The following KNG1 variants were observed in gnomAD, a reference collection of about 807,000 sequenced individuals.
KNG1 encodes the protein kininogen-1.
A neutral mutation model predicts 47.8 loss-of-function variants in KNG1; 23 were observed. The observed-to-expected ratio is 0.48, with a 90% CI of 0.35 to 0.68. The LOEUF (loss-of-function observed/expected upper bound fraction) is 0.68, where lower values mean the gene tolerates loss of function less well. KNG1 is among the 30% of genes least tolerant of loss of function. The probability of loss-of-function intolerance (pLI) is 0.01; values close to 1 mark genes in which losing one functional copy is unlikely to be tolerated. For missense variants in KNG1, 762 were observed against 790.2 expected (o/e 0.96, Z 0.43); for synonymous variants, 277 against 277.0 (o/e 1.00, Z 0.00).
rs1387687541 is a variant in KNG1 at position 186,743,632 on chromosome 3, C to A, written c.*1301C>A. On this transcript the variant is annotated 3_prime_UTR_variant, in exon 10 of 10. Transcript: ENST00000644859. ...ATGTCAGGAAAAAGTCTTACCTTGT[C>A]AACTGGTTGCTCCACTTTTTAAAAA... The A allele has an allele frequency of 9.1e-7, 1 of 1,099,076 alleles. No individual in the cohort carries two copies. Among genetic ancestry groups the A allele is most frequent in the South Asian group, 1.3e-5 (1 of 77,884 alleles). 68.1% of individuals were successfully genotyped at this position (1,099,076 alleles called of 1,614,324 possible). A position where few individuals can be genotyped will look rare whatever the true frequency, so the allele number is the denominator to read the frequency against.
At chr3:186,731,186 T>C (rs753744553) in intron 5 of KNG1, among the ~76,000 whole-genome samples, 1 of 152,240 alleles carries the variant, frequency 6.6e-6, no homozygotes, top group Non-Finnish European at 1.5e-5. Context: ...TTAAGCTTTA[T>C]ACATTGTTTT....
chr3:186,724,733 T>G (rs1216118389), intron 3 of KNG1, among the ~76,000 whole-genome samples: 5 of 152,056 alleles, frequency 3.3e-5, no homozygotes, highest in Non-Finnish European at 5.9e-5. Flanking sequence ...TCTTGCTCTG[T>G]CGCCCAGGCT....
chr3:186,720,068 G>T, intron 1 of KNG1, 37 bp from the exon 2 acceptor site: 1 of 1,396,494 alleles, frequency 7.2e-7, no homozygotes, highest in South Asian at 1.2e-5. Context: ...TGTTGGGTCA[G>T]TTGGATGAAC....
chr3:186,739,428 TACAGTCA>T lies in KNG1; in HGVS notation c.1125+15_1125+21del, dbSNP rs757826069. 1 of 1,551,160 alleles carries T rather than the reference TACAGTCA, an allele frequency of 6.4e-7. No homozygotes were observed. Among genetic ancestry groups the T allele is most frequent in the South Asian group, 1.1e-5 (1 of 89,846 alleles). Reference sequence around the variant, plus strand: ...CCACTGGGAATGGTATGATTCTAATTACAGTCAGCGTGGGGTCAGTTCTGCTCATTCT... The same window carrying T: ...CCACTGGGAATGGTATGATTCTAATTGCGTGGGGTCAGTTCTGCTCATTCT... On this transcript the variant is annotated intron_variant, in intron 9 of 9. Transcript: ENST00000644859.
At chr3:186,731,120 C>T (rs1027046437) in intron 5 of KNG1, among the ~76,000 whole-genome samples, 1 of 152,076 alleles carries the variant, frequency 6.6e-6, no homozygotes, top group African/African-American at 2.4e-5. Flanking sequence ...ATTACTAATA[C>T]TGTAGTTCCT....
chr3:186,717,817 C>T (rs1281577718), intron 1 of KNG1, 80 bp downstream of exon 1: 5 of 970,010 alleles, frequency 5.2e-6, no homozygotes, highest in Non-Finnish European at 6.5e-6. Context: ...CACACACACA[C>T]ATACCACCAC....
intron 2 of KNG1, chr3:186,721,345 CTGTGTGGACAAAGGGAGG>C (rs1720191756): frequency 6.6e-6 from 1 of 152,276 alleles, no homozygotes; most frequent in South Asian, 2.1e-4. Context: ...CTTCTAGGGG[CTGTGTGGACAAAGGGAGG>C]TGTGCTTTAT....
intron 5 of KNG1, 93 bp downstream of exon 5, chr3:186,727,437 G>A (rs745406965): frequency 6.1e-6 from 5 of 823,662 alleles, no homozygotes; most frequent in Non-Finnish European, 8.4e-6. Flanking sequence ...GTCACGAAAA[G>A]TTTAGATGAC....
At chr3:186,723,308 T>G (rs1490843820) in intron 3 of KNG1, among the ~76,000 whole-genome samples, 2 of 152,196 alleles carry the variant, frequency 1.3e-5, no homozygotes, top group African/African-American at 4.8e-5. Context: ...AAATATACAA[T>G]ATATTGTTGC....
chr3:186,717,484 G>C lies in KNG1; in HGVS notation c.-59G>C. On this transcript the variant is annotated 5_prime_UTR_variant, in exon 1 of 10. Coordinates refer to ENST00000644859, the MANE Select transcript of KNG1 (RefSeq NM_001102416.3). ...GGAGATTGTCAAATTCAGTATCCCAGTTGGCTCTTGATTCTTGGTGAAACC... is the reference window on the plus strand; with the variant it reads ...GGAGATTGTCAAATTCAGTATCCCACTTGGCTCTTGATTCTTGGTGAAACC... 8.0e-7 allele frequency: 1 copy of C among 1,254,666 alleles called. No homozygotes were observed. The highest frequency in any genetic ancestry group is 1.2e-6 in the Non-Finnish European group (1 of 854,860). 77.7% of individuals were successfully genotyped at this position (1,254,666 alleles called of 1,614,324 possible).
chr3:186,731,289 T>C lies in KNG1; in HGVS notation c.673-256T>C, dbSNP rs1356983295. 3.9e-5 allele frequency among the ~76,000 whole-genome samples: 6 copies of C among 152,220 alleles called. 1 individual carries two copies. The East Asian group carries it at 5.8e-4, about 15-fold the overall frequency. On this transcript the variant is annotated intron_variant, in intron 5 of 9. Transcript: ENST00000644859. ...TTATTTTTTTAGAAATTTACCTTTTTACTTACATGGCTGTTATTTCTGTAC... is the reference window on the plus strand; with the variant it reads ...TTATTTTTTTAGAAATTTACCTTTTCACTTACATGGCTGTTATTTCTGTAC...
chr3:186,729,080 C>A (rs1442246221), intron 5 of KNG1: 1 of 152,080 alleles, frequency 6.6e-6, no homozygotes, highest in African/African-American at 2.4e-5. Flanking sequence ...AAAAATACAA[C>A]CCACAGAATG....
chr3:186,734,405 G>GA (rs1303312497), intron 7 of KNG1, among the ~76,000 whole-genome samples: 2 of 151,844 alleles, frequency 1.3e-5, no homozygotes, highest in African/African-American at 2.4e-5. Flanking sequence ...AATATTCAGT[G>GA]AAAAAAAGGA....
rs1428260429 is a variant in KNG1 at position 186,732,550 on chromosome 3, G to A, written c.806G>A (p.Arg269Lys). The A allele has an allele frequency of 1.9e-6, 3 of 1,614,076 alleles. No homozygotes were observed. Among genetic ancestry groups the A allele is most frequent in the East Asian group, 2.2e-5 (1 of 44,898 alleles). Residue 269 changes from arginine to lysine, a missense_variant, in exon 7 of 10, where the codon AGA becomes AAA. Coordinates refer to ENST00000644859, the MANE Select transcript of KNG1 (RefSeq NM_001102416.3). The part of the protein sequence containing the change: ...PPTKICVGCP[R>K]DIPTNSPELE... ...ACCAAGATTTGCGTGGGCTGCCCCA[G>A]AGATATACCCACCAACAGCCCAGAG...
Position 186,742,174 on chromosome 3 carries a change from T to A in KNG1, c.1778T>A (p.Ile593Lys). The A allele has an allele frequency of 1.2e-6, 2 of 1,614,210 alleles. No individual in the cohort carries two copies. Among genetic ancestry groups the A allele is most frequent in the Non-Finnish European group, 1.7e-6 (2 of 1,180,032 alleles). ...SDDDWIPDIQ[I>K]DPNGLSFNPI... The stretch of plus-strand genomic sequence containing the variant: ...GACGATTGGATCCCTGATATCCAGA[T>A]AGACCCAAATGGCCTTTCATTTAAC... Residue 593 changes from isoleucine (I) to lysine (K), a missense_variant, in exon 10 of 10, where the codon ATA becomes AAA. Physicochemically the swap from Ile to Lys is moderately radical, Grantham distance 102. Coordinates refer to ENST00000644859, the MANE Select transcript of KNG1 (RefSeq NM_001102416.3).
Position 186,717,441 on chromosome 3 carries a change from C to T in KNG1, c.-102C>T, listed in dbSNP as rs981099253. On this transcript the variant is annotated 5_prime_UTR_variant, in exon 1 of 10. Transcript: ENST00000644859. ...CTGAGTTCTGAGGCAGAGAGGAGGA[C>T]AGAAGAAACAAGAGGCTGGAGATTG... is the stretch of plus-strand genomic sequence containing the variant. 5 of 902,626 alleles carry T rather than the reference C, an allele frequency of 5.5e-6. No individual in the cohort carries two copies. The Admixed American group carries it at 8.7e-5, about 16-fold the overall frequency. 55.9% of individuals were successfully genotyped at this position (902,626 alleles called of 1,614,324 possible).
At chr3:186,732,102 T>C (rs1720550188) in intron 6 of KNG1, among the ~76,000 whole-genome samples, 1 of 152,220 alleles carries the variant, frequency 6.6e-6, no homozygotes, top group African/African-American at 2.4e-5. Flanking sequence ...TTTCTCATAG[T>C]TGGAAAACGT....
chr3:186,719,957 A>G, intron 1 of KNG1, 148 bp from the exon 2 acceptor site: 1 of 695,756 alleles, frequency 1.4e-6, no homozygotes, highest in Non-Finnish European at 2.6e-6. Flanking sequence ...TTTCACATAA[A>G]TGTTTATGAT....
At position 186,739,149 on chromosome 3, in the gene KNG1, A is replaced by C; in HGVS notation, c.981A>C (p.Thr327=). ...YFIDFVARET[T]CSKESNEELT... Reference sequence around the variant, plus strand: ...TTGACTTCGTGGCCAGGGAAACCACATGTTCCAAGGAAAGTAATGAAGAGT... The same window carrying C: ...TTGACTTCGTGGCCAGGGAAACCACCTGTTCCAAGGAAAGTAATGAAGAGT... The change falls in exon 8 of 10, where the codon ACA becomes ACC. Residue 327 remains threonine (T), a synonymous_variant. Transcript: ENST00000644859. The C allele has an allele frequency of 6.2e-7, 1 of 1,614,190 alleles. No individual in the cohort carries two copies. Among genetic ancestry groups the C allele is most frequent in the South Asian group, 1.1e-5 (1 of 91,078 alleles).
Sources: gnomAD v4.1 joint callset for allele counts (sites outside exome capture counted in the v4.1 genomes callset) on GRCh38, gnomAD v4.1.1 for gene constraint, MANE v1.5 for transcripts, NCBI Gene and HGNC (gene_info 2026-07-23, HGNC 2026-07-21) for gene names.